The following TOX variants were observed in gnomAD, a reference collection of about 807,000 sequenced individuals.
TOX encodes thymocyte selection-associated high mobility group box protein TOX.
TOX carries 11 observed loss-of-function variants against 53.7 expected under a neutral mutation model. That is an observed-to-expected ratio of 0.20 (90% CI 0.13 to 0.34). The LOEUF is 0.34. TOX is among the 10% of genes least tolerant of loss of function. TOX has a pLI of 1.00. For missense variants in TOX, 570 were observed against 664.6 expected, an observed-to-expected ratio of 0.86 and a Z score of 1.56; for synonymous variants, 225 against 245.3, an observed-to-expected ratio of 0.92 and a Z score of 0.77.
intron 3 of TOX, among the ~76,000 whole-genome samples, chr8:58,914,040 C>T (rs1188288768): frequency 6.6e-6 from 1 of 152,144 alleles, no homozygotes; most frequent in Non-Finnish European, 1.5e-5. Context: ...TTGACTAAAT[C>T]ATGGAAACTG....
At chr8:58,879,964 G>T (rs188614636) in intron 3 of TOX, among the ~76,000 whole-genome samples, 3 of 152,160 alleles carry the variant, frequency 2.0e-5, no homozygotes, top group African/African-American at 7.2e-5. Context: ...CTGAATAAAG[G>T]ATTATTATGT....
intron 1 of TOX, among the ~76,000 whole-genome samples, chr8:59,045,291 TGAAA>T (rs1803663233): frequency 1.3e-5 from 2 of 152,356 alleles, no homozygotes; most frequent in South Asian, 2.1e-4. Flanking sequence ...TTTTCAAATA[TGAAA>T]GAGAGTTTCA....
At chr8:58,905,007 A>G (rs2129173131) in intron 3 of TOX, among the ~76,000 whole-genome samples, 1 of 152,248 alleles carries the variant, frequency 6.6e-6, no homozygotes, top group Admixed American at 6.5e-5. Context: ...ATCTTGGCTC[A>G]CTGCAAGCTC....
At chr8:59,045,471 G>A (rs1014063147) in intron 1 of TOX, among the ~76,000 whole-genome samples, 1 of 152,218 alleles carries the variant, frequency 6.6e-6, no homozygotes, top group African/African-American at 2.4e-5. Flanking sequence ...AAGAAATCAT[G>A]TTTGATGTTT....
intron 3 of TOX, among the ~76,000 whole-genome samples, chr8:58,908,843 T>C (rs1420569569): frequency 6.6e-6 from 1 of 152,268 alleles, no homozygotes; most frequent in African/African-American, 2.4e-5. Flanking sequence ...CAAAAATTTA[T>C]TGAGTCTAAT....
intron 3 of TOX, among the ~76,000 whole-genome samples, chr8:58,887,762 C>T (rs1232304323): frequency 1.3e-5 from 2 of 151,858 alleles, no homozygotes; most frequent in Non-Finnish European, 2.9e-5. Context: ...TATTTTGTTG[C>T]TCTTTTACCT....
chr8:58,892,011 A>T (rs575390825), intron 3 of TOX, among the ~76,000 whole-genome samples: 1 of 152,298 alleles, frequency 6.6e-6, no homozygotes, highest in Non-Finnish European at 1.5e-5. Flanking sequence ...TACAGATGAA[A>T]TTAGACAATG....
At chr8:58,998,502 T>TAA (rs1813607772) in intron 1 of TOX, among the ~76,000 whole-genome samples, 1 of 73,434 alleles carries the variant, frequency 1.4e-5, no homozygotes, top group African/African-American at 6.4e-5. Flanking sequence ...AGTATATATA[T>TAA]ATATATATAT....
At chr8:59,050,204 A>G (rs1369570854) in intron 1 of TOX, among the ~76,000 whole-genome samples, 1 of 152,142 alleles carries the variant, frequency 6.6e-6, no homozygotes, top group Non-Finnish European at 1.5e-5. Context: ...AAAGTTTATT[A>G]TCCAGTCAGA....
At chr8:58,961,190 C>T (rs1297536235) in intron 1 of TOX, among the ~76,000 whole-genome samples, 1 of 152,158 alleles carries the variant, frequency 6.6e-6, no homozygotes, top group Non-Finnish European at 1.5e-5. Context: ...GGGTCGCTCA[C>T]AGCCTCTAAA....
At chr8:58,844,229 C>T (rs1381845272) in intron 4 of TOX, among the ~76,000 whole-genome samples, 1 of 152,182 alleles carries the variant, frequency 6.6e-6, no homozygotes, top group African/African-American at 2.4e-5. Context: ...CTGCTAACCA[C>T]ATATGGCTAT....
At chr8:58,974,713 A>G (rs1813060171) in intron 1 of TOX, among the ~76,000 whole-genome samples, 1 of 149,750 alleles carries the variant, frequency 6.7e-6, no homozygotes, top group Non-Finnish European at 1.5e-5. Context: ...ACACATAAAA[A>G]CTGCCACTTG....
At chr8:59,097,344 C>T (rs904973312) in intron 1 of TOX, among the ~76,000 whole-genome samples, 14 of 152,116 alleles carry the variant, frequency 9.2e-5, no homozygotes, top group Non-Finnish European at 1.6e-4. Context: ...GCAGGGTCTA[C>T]GCCACCGGAG....
chr8:58,837,838 G>C (rs546077293), intron 5 of TOX, among the ~76,000 whole-genome samples: 1 of 152,256 alleles, frequency 6.6e-6, no homozygotes, highest in African/African-American at 2.4e-5. Flanking sequence ...ATATGTAAAA[G>C]TGCTTCCAAA....
In TOX at chr8:58,806,818, A is replaced by T. The variant is rs2129163375; in HGVS notation, c.*929T>A. ...AACACCTATATTTATTATTTCATAAATAGGCGCAACAGGTTCCATAAAAAA... is the reference window on the plus strand; with the variant it reads ...AACACCTATATTTATTATTTCATAATTAGGCGCAACAGGTTCCATAAAAAA... On this transcript the variant is annotated 3_prime_UTR_variant, in exon 9 of 9. Transcript: ENST00000361421. The T allele has an allele frequency of 6.5e-6, 1 of 152,770 alleles. No individual in the cohort carries two copies. The highest frequency in any genetic ancestry group is 1.9e-4 in the East Asian group (1 of 5,190). 9.5% of individuals were successfully genotyped at this position (152,770 alleles called of 1,614,324 possible).
intron 3 of TOX, among the ~76,000 whole-genome samples, chr8:58,897,153 G>T (rs988692560): frequency 2.0e-5 from 3 of 152,096 alleles, no homozygotes; most frequent in Admixed American, 2.0e-4. Context: ...CCTAGCAATG[G>T]AAAGTTCTAT....
chr8:59,056,873 T>G (rs142398590), intron 1 of TOX, among the ~76,000 whole-genome samples: 95 of 152,328 alleles, frequency 6.2e-4, no homozygotes, highest in Non-Finnish European at 1.0e-3. Flanking sequence ...ACTAGCTGCT[T>G]GGAAAGATAA....
chr8:58,891,014 C>T (rs898730869), intron 3 of TOX, among the ~76,000 whole-genome samples: 3 of 152,086 alleles, frequency 2.0e-5, no homozygotes, highest in Admixed American at 1.3e-4. Flanking sequence ...CTCTGAGGTG[C>T]TCCCTTCCTC....
intron 1 of TOX, among the ~76,000 whole-genome samples, chr8:59,063,961 T>C (rs991305298): frequency 2.0e-5 from 3 of 152,120 alleles, no homozygotes; most frequent in African/African-American, 4.8e-5. Flanking sequence ...AACTATGCTA[T>C]ACCTTCCTCG....
Sources: allele counts gnomAD v4.1 joint callset (sites outside exome capture counted in the v4.1 genomes callset), GRCh38; gene constraint gnomAD v4.1.1; transcripts MANE v1.5; gene names NCBI Gene and HGNC (gene_info 2026-07-23, HGNC 2026-07-21).